The following KCNQ5 variants were observed in gnomAD, a reference collection of about 807,000 sequenced individuals.
KCNQ5 encodes the protein potassium voltage-gated channel subfamily Q member 5, also known as potassium voltage-gated channel subfamily KQT member 5.
In KCNQ5, 30 loss-of-function variants were observed where a neutral mutation model predicts 98.2. That is an observed-to-expected ratio of 0.31 (90% CI 0.23 to 0.41). The LOEUF is 0.41. KCNQ5 is among the 10% of genes least tolerant of loss of function. The pLI is 1.00. For missense variants in KCNQ5, 835 were observed against 1,182.5 expected, an observed-to-expected ratio of 0.71 and a Z score of 4.31; for synonymous variants, 458 against 449.4, an observed-to-expected ratio of 1.02 and a Z score of -0.24.
At chr6:72,747,787 C>G (rs953562172) in intron 1 of KCNQ5, among the ~76,000 whole-genome samples, 8 of 152,052 alleles carry the variant, frequency 5.3e-5, no homozygotes, top group African/African-American at 1.9e-4. Flanking sequence ...AAAAAATGTA[C>G]TCAAAATGCT....
chr6:72,831,096 C>A (rs867962438), intron 1 of KCNQ5, among the ~76,000 whole-genome samples: 1 of 151,964 alleles, frequency 6.6e-6, no homozygotes, highest in Non-Finnish European at 1.5e-5. Context: ...CTGGAGAGGA[C>A]GTGGAGAAAT....
intron 9 of KCNQ5, among the ~76,000 whole-genome samples, chr6:73,125,242 A>C (rs4706532): frequency 0.96 from 144,916 of 151,288 alleles, 69,404 homozygotes; most frequent in South Asian, 0.99. Context: ...AGATGGAATG[A>C]GTCGTCAGAT....
At chr6:73,184,923 C>T (rs1309014822) in intron 11 of KCNQ5, among the ~76,000 whole-genome samples, 5 of 152,178 alleles carry the variant, frequency 3.3e-5, no homozygotes, top group African/African-American at 7.2e-5. Context: ...TCACTACCCT[C>T]TTCCTTCTAG....
At chr6:72,720,493 T>C (rs1257073444) in intron 1 of KCNQ5, among the ~76,000 whole-genome samples, 1 of 152,186 alleles carries the variant, frequency 6.6e-6, no homozygotes, top group East Asian at 1.9e-4. Context: ...GCAAAGGCTG[T>C]TTTCTTTTCC....
chr6:72,841,157 A>G (rs1776772359), intron 1 of KCNQ5, among the ~76,000 whole-genome samples: 1 of 152,152 alleles, frequency 6.6e-6, no homozygotes, highest in South Asian at 2.1e-4. Flanking sequence ...ACCTCTTCAT[A>G]GTCTCCCTTT....
intron 11 of KCNQ5, among the ~76,000 whole-genome samples, chr6:73,188,577 A>G (rs1407185841): frequency 6.6e-6 from 1 of 152,090 alleles, no homozygotes; most frequent in Non-Finnish European, 1.5e-5. Flanking sequence ...TCCTCCTCTT[A>G]TTCAACAAAT....
At chr6:72,831,192 C>G (rs1233702676) in intron 1 of KCNQ5, among the ~76,000 whole-genome samples, 1 of 152,152 alleles carries the variant, frequency 6.6e-6, no homozygotes, top group African/African-American at 2.4e-5. Context: ...GGATCTACAA[C>G]TAGAAATACC....
chr6:72,868,729 A>G (rs4566854), intron 1 of KCNQ5, among the ~76,000 whole-genome samples: 26,652 of 152,180 alleles, frequency 0.18, 2,682 homozygotes, highest in East Asian at 0.3. Context: ...ATGGCAGTCT[A>G]CATGGTAGCT....
intron 1 of KCNQ5, among the ~76,000 whole-genome samples, chr6:72,817,483 G>GA (rs1775556318): frequency 2.0e-5 from 3 of 152,168 alleles, no homozygotes; most frequent in Non-Finnish European, 2.9e-5. Flanking sequence ...TACTACTTCA[G>GA]AAAAATGTAT....
intron 1 of KCNQ5, among the ~76,000 whole-genome samples, chr6:72,917,114 G>C (rs1349829401): frequency 6.6e-6 from 1 of 152,310 alleles, no homozygotes; most frequent in East Asian, 1.9e-4. Context: ...AGGAGCCCAG[G>C]GTGCTGAAGG....
chr6:73,071,842 G>A (rs1437600378), intron 3 of KCNQ5, among the ~76,000 whole-genome samples: 1 of 152,076 alleles, frequency 6.6e-6, no homozygotes, highest in African/African-American at 2.4e-5. Context: ...ATATTTGGAG[G>A]TCAAATATCC....
intron 1 of KCNQ5, among the ~76,000 whole-genome samples, chr6:72,700,592 A>G (rs1768754191): frequency 6.6e-6 from 1 of 152,220 alleles, no homozygotes; most frequent in Admixed American, 6.5e-5. Context: ...TAGTACAATA[A>G]AAATCTAAAG....
At chr6:72,848,988 A>G (rs1479108759) in intron 1 of KCNQ5, among the ~76,000 whole-genome samples, 1 of 152,124 alleles carries the variant, frequency 6.6e-6, no homozygotes, top group East Asian at 1.9e-4. Context: ...ACAGTATGAG[A>G]ACAGACTAAT....
chr6:73,036,643 G>C (rs969503253), intron 2 of KCNQ5, among the ~76,000 whole-genome samples: 1 of 152,022 alleles, frequency 6.6e-6, no homozygotes, highest in Admixed American at 6.6e-5. Context: ...ATAATTCCCT[G>C]GCAATTCATT....
intron 7 of KCNQ5, among the ~76,000 whole-genome samples, chr6:73,113,029 T>G (rs963037259): frequency 2.0e-5 from 3 of 152,134 alleles, no homozygotes; most frequent in Non-Finnish European, 4.4e-5. Flanking sequence ...AACTCTATTT[T>G]CTTATATGAA....
chr6:73,091,779 T>A (rs1774263178), intron 5 of KCNQ5, among the ~76,000 whole-genome samples: 1 of 152,016 alleles, frequency 6.6e-6, no homozygotes, highest in Admixed American at 6.6e-5. Context: ...TATTTGTTTG[T>A]TTGTTTTGGC....
intron 2 of KCNQ5, among the ~76,000 whole-genome samples, chr6:73,025,623 C>CAAAAAAAAAAAAAAAAAAAAAAAAAA (rs58607159): frequency 3.8e-5 from 2 of 53,012 alleles, no homozygotes; most frequent in Non-Finnish European, 5.5e-5. Context: ...AACTCCATCT[C>CAAAAAAAAAAAAAAAAAAAAAAAAAA]AAAAAAAAAA....
chr6:73,136,305 A>C (rs1776468472), intron 10 of KCNQ5: 1 of 152,230 alleles, frequency 6.6e-6, no homozygotes, highest in Non-Finnish European at 1.5e-5. Context: ...TGGATTTTTA[A>C]TTTGGAAAAC....
intron 1 of KCNQ5, among the ~76,000 whole-genome samples, chr6:72,706,553 A>G (rs11754141): frequency 1.3e-5 from 2 of 152,052 alleles, no homozygotes; most frequent in African/African-American, 2.4e-5. Flanking sequence ...TTTGTTTCTT[A>G]TTATTCCCAT....
Sources: gnomAD v4.1 joint callset for allele counts (sites outside exome capture counted in the v4.1 genomes callset) on GRCh38, gnomAD v4.1.1 for gene constraint, MANE v1.5 for transcripts, NCBI Gene and HGNC (gene_info 2026-07-23, HGNC 2026-07-21) for gene names.